The following MAPKAP1 variants were observed in gnomAD, a reference collection of about 807,000 sequenced individuals.
MAPKAP1 encodes target of rapamycin complex 2 subunit MAPKAP1.
MAPKAP1 carries 20 observed loss-of-function variants against 65.7 expected under a neutral mutation model. That is an observed-to-expected ratio of 0.30 (90% CI 0.21 to 0.44). MAPKAP1 has a LOEUF of 0.44. Among genes scored for constraint, MAPKAP1 ranks in the 20% least tolerant of loss-of-function variants. The pLI is 1.00. For synonymous variants in MAPKAP1, 222 were observed against 244.3 expected (o/e 0.91, Z 0.85); for missense variants, 423 against 648.0 (o/e 0.65, Z 3.77).
At chr9:125,514,615 C>T (rs1396537525) in intron 7 of MAPKAP1, among the ~76,000 whole-genome samples, 1 of 152,208 alleles carries the variant, frequency 6.6e-6, no homozygotes, top group African/African-American at 2.4e-5. Context: ...TAAAAGCAAG[C>T]TTGTTCAAGG....
In MAPKAP1 at chr9:125,595,816, C is replaced by A; in HGVS notation, c.499-10089G>T. The A allele has an allele frequency of 6.2e-6, 7 of 1,132,834 alleles. No individual in the cohort carries two copies. Among genetic ancestry groups the A allele is most frequent in the Non-Finnish European group, 9.2e-6 (7 of 757,628 alleles). 70.2% of individuals were successfully genotyped at this position (1,132,834 alleles called of 1,614,324 possible). A position where few individuals can be genotyped will look rare whatever the true frequency, so the allele number is the denominator to read the frequency against. On this transcript the variant is annotated intron_variant, in intron 4 of 11. Transcript: ENST00000265960. This position sits in a 1 kb window ranked among gnomAD's most constrained non-coding sequence, Gnocchi z 4.0. ...ACTGTGTGGTAATGAAAGATTCCAA[C>A]ACCAAGCGTTCCGGGGGTTTTGGGT...
Position 125,672,305 on chromosome 9 carries a change from A to G in MAPKAP1, c.259+11T>C, listed in dbSNP as rs368821169. 10 of 1,613,498 alleles carry G rather than the reference A, an allele frequency of 6.2e-6. No homozygotes were observed. The highest frequency in any genetic ancestry group is 8.5e-6 in the Non-Finnish European group (10 of 1,179,498). ...AAAGCTCAGAAGACATGACTAGAAC[A>G]CAATGTTTACCTGTGTTTGAGCGTC... is the stretch of plus-strand genomic sequence containing the variant. On this transcript the variant is annotated intron_variant, in intron 2 of 11. Coordinates refer to ENST00000265960, the MANE Select transcript of MAPKAP1 (RefSeq NM_001006617.3).
intron 10 of MAPKAP1, among the ~76,000 whole-genome samples, chr9:125,456,146 C>CTTCT (rs72216676): frequency 0.37 from 56,784 of 151,752 alleles, 11,117 homozygotes; most frequent in East Asian, 0.61. Context: ...CGTAATATGT[C>CTTCT]TTCTTCGGCT....
intron 5 of MAPKAP1, among the ~76,000 whole-genome samples, chr9:125,580,921 G>T (rs1465109350): frequency 6.6e-6 from 1 of 152,130 alleles, no homozygotes; most frequent in Non-Finnish European, 1.5e-5. Flanking sequence ...TTCTCCATCT[G>T]TATACTTTTG....
chr9:125,679,610 T>TCCC (rs1834761836), intron 1 of MAPKAP1, among the ~76,000 whole-genome samples: 1 of 152,208 alleles, frequency 6.6e-6, no homozygotes, highest in African/African-American at 2.4e-5. Flanking sequence ...CTAAGGAATA[T>TCCC]TTTTTAAAAT....
intron 2 of MAPKAP1, 70 bp from the exon 3 acceptor site, chr9:125,669,977 A>G: frequency 1.1e-6 from 1 of 873,454 alleles, no homozygotes; most frequent in Non-Finnish European, 1.8e-6. Flanking sequence ...ATAATTAACT[A>G]CCTTTACATG....
At chr9:125,559,383 C>T (rs1830826617) in intron 6 of MAPKAP1, 2 of 309,428 alleles carry the variant, frequency 6.5e-6, no homozygotes, top group Non-Finnish European at 1.2e-5. Context: ...AGAGGCCTGG[C>T]TCTGGACATG....
chr9:125,618,254 A>G (rs914866511), intron 4 of MAPKAP1, among the ~76,000 whole-genome samples: 2 of 147,132 alleles, frequency 1.4e-5, no homozygotes, highest in Non-Finnish European at 3.0e-5. Flanking sequence ...AGGCAGGACA[A>G]TCGCTTGAAC....
At chr9:125,546,593 T>A (rs1195517365) in intron 6 of MAPKAP1, among the ~76,000 whole-genome samples, 2 of 152,200 alleles carry the variant, frequency 1.3e-5, no homozygotes, top group East Asian at 3.8e-4. Context: ...CCTCATTTCT[T>A]TATATCCAGG....
chr9:125,644,851 T>C (rs1043572860), intron 4 of MAPKAP1, among the ~76,000 whole-genome samples: 3 of 152,248 alleles, frequency 2.0e-5, no homozygotes, highest in Non-Finnish European at 4.4e-5. Flanking sequence ...TAGTTCTACA[T>C]AACTGCATTT....
chr9:125,702,318 T>C (rs1284053191), intron 1 of MAPKAP1, among the ~76,000 whole-genome samples: 1 of 152,066 alleles, frequency 6.6e-6, no homozygotes, highest in African/African-American at 2.4e-5. Context: ...GTGGATCACC[T>C]GAGGTCGGGA....
At chr9:125,589,550 T>C (rs1406596976) in intron 4 of MAPKAP1, among the ~76,000 whole-genome samples, 2 of 152,156 alleles carry the variant, frequency 1.3e-5, no homozygotes, top group African/African-American at 4.8e-5. Flanking sequence ...TATGGATCCA[T>C]TTCCTGGTCA....
intron 10 of MAPKAP1, among the ~76,000 whole-genome samples, chr9:125,446,484 A>G (rs1406339372): frequency 6.6e-6 from 1 of 152,154 alleles, no homozygotes; most frequent in Non-Finnish European, 1.5e-5. Flanking sequence ...GTCTGTATCT[A>G]TTCACATTCA....
chr9:125,599,695 C>T (rs1832246296), intron 4 of MAPKAP1: 1 of 152,074 alleles, frequency 6.6e-6, no homozygotes, highest in Admixed American at 6.6e-5. Flanking sequence ...CCTCTACCTC[C>T]CAGGTTGAAG....
intron 1 of MAPKAP1, among the ~76,000 whole-genome samples, chr9:125,676,198 A>G (rs1834638457): frequency 6.6e-6 from 1 of 152,198 alleles, no homozygotes; most frequent in Non-Finnish European, 1.5e-5. Flanking sequence ...TAATTTGGTA[A>G]TATTTACCAA....
intron 7 of MAPKAP1, among the ~76,000 whole-genome samples, chr9:125,520,393 C>A (rs773306276): frequency 1.4e-4 from 22 of 152,206 alleles, no homozygotes; most frequent in Non-Finnish European, 2.8e-4. Context: ...TTACTGGCCT[C>A]ATCTTCCTCC....
intron 7 of MAPKAP1, among the ~76,000 whole-genome samples, chr9:125,539,916 T>C (rs1312673405): frequency 6.6e-6 from 1 of 152,076 alleles, no homozygotes; most frequent in Non-Finnish European, 1.5e-5. Context: ...GCATAAAAAA[T>C]AGACCTTAGC....
At chr9:125,633,327 T>C (rs139210111) in intron 4 of MAPKAP1, among the ~76,000 whole-genome samples, 2 of 152,328 alleles carry the variant, frequency 1.3e-5, no homozygotes, top group East Asian at 3.9e-4. Context: ...AAGTATCACC[T>C]GGGACAAACA....
intron 8 of MAPKAP1, among the ~76,000 whole-genome samples, chr9:125,488,941 G>A (rs1251140464): frequency 6.6e-6 from 1 of 152,166 alleles, no homozygotes; most frequent in African/African-American, 2.4e-5. Context: ...CATATTTTTT[G>A]GACCAGAAAA....
Sources: allele counts gnomAD v4.1 joint callset (sites outside exome capture counted in the v4.1 genomes callset), GRCh38; gene constraint gnomAD v4.1.1; non-coding constraint Gnocchi (gnomAD v3.1); transcripts MANE v1.5; gene names NCBI Gene and HGNC (gene_info 2026-07-23, HGNC 2026-07-21).